Variants in MYOM1 observed in about 807,000 individuals in gnomAD.
MYOM1 encodes the protein myomesin 1.
Under a neutral mutation model 205.3 loss-of-function variants are expected in MYOM1, and 164 were observed. The observed-to-expected ratio is 0.80, with a 90% CI of 0.70 to 0.91. The LOEUF (loss-of-function observed/expected upper bound fraction) is 0.91, where lower values mean the gene tolerates loss of function less well. Among genes scored for constraint, MYOM1 ranks in the 40% least tolerant of loss-of-function variants. MYOM1 has a pLI of 0.00. For missense variants in MYOM1, 2,011 were observed against 2,127.3 expected, an observed-to-expected ratio of 0.95 and a Z score of 1.08; for synonymous variants, 772 against 789.4, an observed-to-expected ratio of 0.98 and a Z score of 0.37.
In MYOM1 at chr18:3,215,180, A is replaced by T. The variant is rs1385594224; in HGVS notation, c.44T>A (p.Leu15His). ...FYQRCHQHYD[L>H]SYRNKDVRST... ...GCGCACGTCCTTGTTGCGGTAGCTG[A>T]GATCATAGTGCTGGTGGCACCTCTG... The change falls in exon 2 of 38, where the codon CTC (leucine) becomes CAC (histidine). Residue 15 changes from leucine to histidine, a missense_variant. Physicochemically the swap from Leu to His is moderately conservative, Grantham distance 99. Coordinates refer to ENST00000356443, the MANE Select transcript of MYOM1 (RefSeq NM_003803.4). 2 of 1,613,266 alleles carry T rather than the reference A, an allele frequency of 1.2e-6. No homozygotes were observed. Among genetic ancestry groups the T allele is most frequent in the Non-Finnish European group, 1.7e-6 (2 of 1,179,684 alleles).
chr18:3,205,276 A>G (rs1030766782), intron 2 of MYOM1, among the ~76,000 whole-genome samples: 4 of 152,166 alleles, frequency 2.6e-5, no homozygotes, highest in Non-Finnish European at 5.9e-5. Flanking sequence ...TGCAGTAAAG[A>G]GAAGGAAAAG....
At chr18:3,074,447 ATTT>A (rs905100057) in intron 36 of MYOM1, among the ~76,000 whole-genome samples, 3 of 152,220 alleles carry the variant, frequency 2.0e-5, no homozygotes, top group Admixed American at 6.5e-5. Flanking sequence ...GGACTCTACC[ATTT>A]TAGCCTGTAA....
rs2080877959 is a variant in MYOM1, at chr18:3,189,635, C to T, written c.432-548G>A. Among the ~76,000 whole-genome samples, 1 of 152,228 alleles carries T rather than the reference C, an allele frequency of 6.6e-6. No homozygotes were observed. Among genetic ancestry groups the T allele is most frequent in the Non-Finnish European group, 1.5e-5 (1 of 68,036 alleles). ...TTGGCCTCCCAAAGTGCTGGGATTACAGGCATGATCCACCGTGCCTGGCCA... is the reference window on the plus strand; with the variant it reads ...TTGGCCTCCCAAAGTGCTGGGATTATAGGCATGATCCACCGTGCCTGGCCA... On this transcript the variant is annotated intron_variant, in intron 3 of 37. Coordinates refer to ENST00000356443, the MANE Select transcript of MYOM1 (RefSeq NM_003803.4). The surrounding 1 kb of genome is among the most constrained non-coding windows in gnomAD (Gnocchi z 4.8).
chr18:3,223,203 A>T (rs1235942322), upstream of MYOM1, among the ~76,000 whole-genome samples: 1 of 152,242 alleles, frequency 6.6e-6, no homozygotes, highest in Non-Finnish European at 1.5e-5. Context: ...TTCTTAATTC[A>T]TAAAATGTTT....
At chr18:3,083,128 G>C (rs1199166341) in intron 33 of MYOM1, among the ~76,000 whole-genome samples, 2 of 152,206 alleles carry the variant, frequency 1.3e-5, no homozygotes, top group African/African-American at 4.8e-5. Context: ...AAGCATGACT[G>C]TCTGGAGGTG....
intron 36 of MYOM1, among the ~76,000 whole-genome samples, chr18:3,073,660 C>A (rs951520080): frequency 1.3e-5 from 2 of 152,300 alleles, no homozygotes; most frequent in East Asian, 1.9e-4. Context: ...ATGATTATTT[C>A]TGAATAATGC....
chr18:3,094,389 A>C, intron 25 of MYOM1, 83 bp from the exon 26 acceptor site: 1 of 1,315,400 alleles, frequency 7.6e-7, no homozygotes, highest in Non-Finnish European at 1.0e-6. Flanking sequence ...GAAAAAAAAA[A>C]AAAAACCACA....
intron 25 of MYOM1, among the ~76,000 whole-genome samples, chr18:3,098,938 T>C (rs973833231): frequency 2.0e-5 from 3 of 152,116 alleles, no homozygotes; most frequent in African/African-American, 7.2e-5. Flanking sequence ...CTCTGCTACT[T>C]TGCTGAACAA....
chr18:3,149,134 A>G lies in MYOM1; in HGVS notation c.1900+11T>C. On this transcript the variant is annotated intron_variant, in intron 13 of 37. Coordinates refer to ENST00000356443, the MANE Select transcript of MYOM1 (RefSeq NM_003803.4). ...ATCAGCAATAGTATCTGGGGCAACC[A>G]GACTTCTTACCTGAAGGTTCCTCTT... is the stretch of plus-strand genomic sequence containing the variant. The G allele has an allele frequency of 6.2e-7, 1 of 1,613,650 alleles. No individual in the cohort carries two copies. Among genetic ancestry groups the G allele is most frequent in the African/African-American group, 1.3e-5 (1 of 75,044 alleles).
At chr18:3,148,854 A>G (rs2080174096) in intron 13 of MYOM1, among the ~76,000 whole-genome samples, 1 of 145,214 alleles carries the variant, frequency 6.9e-6, no homozygotes, top group African/African-American at 2.6e-5. Context: ...CAAAAAAAAA[A>G]AAAAAAAAAA....
rs117089539 is a variant in MYOM1 at position 3,138,387 on chromosome 18, T to C, written c.2026-2657A>G. 3.3e-3 allele frequency among the ~76,000 whole-genome samples: 507 copies of C among 152,286 alleles called. 5 individuals carry two copies. The highest frequency in any genetic ancestry group is 0.017 in the Middle Eastern group (5 of 294). ...GACTTGACAGACAGGCAACATGGCA[T>C]GGCATAGAGGAGACAAAGGGATGGG... On this transcript the variant is annotated intron_variant, in intron 14 of 37. Coordinates refer to ENST00000356443, the MANE Select transcript of MYOM1 (RefSeq NM_003803.4).
rs577817069 is a variant in MYOM1 at position 3,207,961 on chromosome 18, A to G, written c.290+6973T>C. ...AAGCACAGCAGGCAAAGAAGGAACC[A>G]CATCTTTCTGGGCCTCAGTCTACAC... On this transcript the variant is annotated intron_variant, in intron 2 of 37. Transcript: ENST00000356443. Among the ~76,000 whole-genome samples the G allele has an allele frequency of 2.6e-5, 4 of 152,258 alleles. 1 individual carries two copies. The highest frequency in any genetic ancestry group is 4.8e-5 in the African/African-American group (2 of 41,542).
chr18:3,098,751 C>T (rs1288949125), intron 25 of MYOM1, among the ~76,000 whole-genome samples: 1 of 152,200 alleles, frequency 6.6e-6, no homozygotes, highest in East Asian at 1.9e-4. Context: ...TAGTACTTTC[C>T]ATAAACTTTT....
intron 13 of MYOM1, among the ~76,000 whole-genome samples, chr18:3,146,757 T>C (rs2080128538): frequency 6.6e-6 from 1 of 151,880 alleles, no homozygotes; most frequent in Non-Finnish European, 1.5e-5. Context: ...TACTAAAGGT[T>C]CTAGATGGAG....
At chr18:3,129,025 A>G (rs2079835611) in intron 18 of MYOM1, among the ~76,000 whole-genome samples, 1 of 152,228 alleles carries the variant, frequency 6.6e-6, no homozygotes, top group Non-Finnish European at 1.5e-5. Flanking sequence ...TTAAGCACCC[A>G]AAATGATGTG....
chr18:3,139,192 G>A (rs921588982), intron 14 of MYOM1, among the ~76,000 whole-genome samples: 2 of 152,196 alleles, frequency 1.3e-5, no homozygotes, highest in Admixed American at 6.5e-5. Context: ...AATTAAGTGG[G>A]TTAACTCATG....
intron 10 of MYOM1, among the ~76,000 whole-genome samples, chr18:3,161,659 C>G (rs2080392675): frequency 6.6e-6 from 1 of 152,222 alleles, no homozygotes. Context: ...ACCCAACTTT[C>G]ACATACAGGA....
At chr18:3,160,086 TCC>T (rs1598733300) in intron 10 of MYOM1, among the ~76,000 whole-genome samples, 2 of 121,332 alleles carry the variant, frequency 1.6e-5, no homozygotes, top group East Asian at 5.3e-4. Context: ...TTCCTCCTCC[TCC>T]TTCTTCTCCT....
chr18:3,192,465 A>G (rs1384080824), intron 3 of MYOM1, among the ~76,000 whole-genome samples: 2 of 152,266 alleles, frequency 1.3e-5, no homozygotes, highest in Non-Finnish European at 2.9e-5. Flanking sequence ...CACAAGTCAG[A>G]AAGGAACTGT....
Sources: allele counts gnomAD v4.1 joint callset (sites outside exome capture counted in the v4.1 genomes callset), GRCh38; gene constraint gnomAD v4.1.1; non-coding constraint Gnocchi (gnomAD v3.1); transcripts MANE v1.5; gene names NCBI Gene and HGNC (gene_info 2026-07-23, HGNC 2026-07-21).